NUP155: variants seen among roughly 807,000 people sequenced by gnomAD.
The protein encoded by NUP155 is nucleoporin 155.
NUP155 carries 71 observed loss-of-function variants against 180.4 expected under a neutral mutation model. The ratio of observed to expected loss-of-function variants is 0.39; its 90% confidence interval spans 0.33 to 0.48. NUP155 has a LOEUF of 0.48. Ranked by LOEUF, NUP155 falls within the 20% of genes least tolerant of loss-of-function variation. NUP155 has a pLI of 0.91. For missense variants in NUP155, 1,553 were observed against 1,648.9 expected (o/e 0.94, Z 1.01); for synonymous variants, 582 against 559.5 (o/e 1.04, Z -0.57).
chr5:37,296,057 GGGTCAGCCCCCCGCCC>G (rs1742543049), intron 32 of NUP155, among the ~76,000 whole-genome samples: 1 of 147,122 alleles, frequency 6.8e-6, no homozygotes, highest in Non-Finnish European at 1.5e-5. Flanking sequence ...GGAGGTGGGG[GGGTCAGCCCCCCGCCC>G]GGCCAGCCGC....
intron 13 of NUP155, among the ~76,000 whole-genome samples, chr5:37,333,062 G>C (rs1016785811): frequency 3.3e-5 from 5 of 152,038 alleles, no homozygotes; most frequent in African/African-American, 9.7e-5. Context: ...AGTCAAATAA[G>C]AAACCAGGAA....
intron 3 of NUP155, among the ~76,000 whole-genome samples, chr5:37,359,950 C>T (rs1357448285): frequency 1.3e-5 from 2 of 152,096 alleles, no homozygotes; most frequent in African/African-American, 4.8e-5. Context: ...ATACCTGTTT[C>T]TACTAAAAAT....
intron 22 of NUP155, among the ~76,000 whole-genome samples, chr5:37,311,663 A>AT (rs113486759): frequency 0.041 from 5,838 of 143,058 alleles, 109 homozygotes; most frequent in Non-Finnish European, 0.05. Flanking sequence ...AGGAAAAAGA[A>AT]TTTTTTTTTT....
At chr5:37,309,423 A>G (rs1743386121) in intron 23 of NUP155, 156 bp from the exon 24 acceptor site, 2 of 665,874 alleles carry the variant, frequency 3.0e-6, no homozygotes, top group Non-Finnish European at 5.0e-6. Flanking sequence ...TTAGGCAGAA[A>G]AGTTTTTGAC....
At chr5:37,370,705 A>G (rs1747905123) in intron 1 of NUP155, 116 bp downstream of exon 1, 18 of 1,610,842 alleles carry the variant, frequency 1.1e-5, no homozygotes, top group Non-Finnish European at 1.4e-5. Context: ...AAATGCAGCC[A>G]ACAGTGCCAT....
intron 12 of NUP155, among the ~76,000 whole-genome samples, chr5:37,333,885 T>C (rs900083021): frequency 1.5e-4 from 23 of 151,944 alleles, no homozygotes; most frequent in Non-Finnish European, 2.6e-4. Context: ...CACTGTAACC[T>C]TTGCCTCCCG....
intron 11 of NUP155, among the ~76,000 whole-genome samples, chr5:37,338,573 T>A (rs1286874504): frequency 6.6e-6 from 1 of 151,778 alleles, no homozygotes; most frequent in East Asian, 2.0e-4. Context: ...GCCCGACTAA[T>A]TTTTTGTATT....
chr5:37,340,507 A>G (rs1745644833), intron 11 of NUP155, among the ~76,000 whole-genome samples: 1 of 152,208 alleles, frequency 6.6e-6, no homozygotes, highest in African/African-American at 2.4e-5. Context: ...ATTACAAAGC[A>G]ACGGTAATCA....
rs75015968 is a variant in NUP155 at position 37,348,370 on chromosome 5, G to A, written c.995+135C>T. 1,206 of 690,066 alleles carry A rather than the reference G, an allele frequency of 1.7e-3. 7 individuals carry two copies. The African/African-American group carries it at 0.018, about 11-fold the overall frequency. The allele number at this position is 690,066 out of a possible 1,614,324, so 42.7% of individuals were successfully genotyped here. On this transcript the variant is annotated intron_variant, in intron 9 of 34. Transcript: ENST00000231498. ...ACAGCTCCATTTCAAACATAATGTAGAGTGTCATCTCTTCAACATTCCTTG... is the reference window on the plus strand; with the variant it reads ...ACAGCTCCATTTCAAACATAATGTAAAGTGTCATCTCTTCAACATTCCTTG...
intron 12 of NUP155, 69 bp from the exon 13 acceptor site, chr5:37,333,702 A>G: frequency 8.9e-7 from 1 of 1,127,554 alleles, no homozygotes; most frequent in East Asian, 2.5e-5. Context: ...AAAACTACAG[A>G]CTTAATAAAG....
intron 4 of NUP155, among the ~76,000 whole-genome samples, chr5:37,354,076 G>A (rs1006633889): frequency 3.3e-4 from 50 of 152,286 alleles, no homozygotes; most frequent in African/African-American, 1.1e-3. Context: ...TTACAACCTT[G>A]ATAATAGTAT....
intron 1 of NUP155, among the ~76,000 whole-genome samples, chr5:37,365,752 T>TACACACACACACACACAC (rs372031424): frequency 2.9e-4 from 11 of 37,884 alleles, no homozygotes; most frequent in South Asian, 1.4e-3. Flanking sequence ...TATATATATA[T>TACACACACACACACACAC]ACACACACAC....
In NUP155 at chr5:37,351,331, C is replaced by G. The variant is rs1486273604; in HGVS notation, c.582G>C (p.Leu194Phe). The part of the protein sequence containing the change: ...QTGSGVLNDS[L>F]SGGMQLLPDP... Reference sequence around the variant, plus strand: ...CTGGAAGCAACTGCATTCCACCAGACAAACTATCATTAAGAACTCCAGAAC... The same window carrying G: ...CTGGAAGCAACTGCATTCCACCAGAGAAACTATCATTAAGAACTCCAGAAC... The change falls in exon 6 of 35, where the codon TTG becomes TTC. Residue 194 changes from leucine (L) to phenylalanine (F), a missense_variant. By Grantham distance (22) the Leu-to-Phe change is conservative. Transcript: ENST00000231498. 2.5e-6 allele frequency: 4 copies of G among 1,612,506 alleles called. No homozygotes were observed. Among genetic ancestry groups the G allele is most frequent in the Admixed American group, 1.7e-5 (1 of 59,992 alleles).
At chr5:37,342,899 G>C (rs1029013631) in intron 9 of NUP155, among the ~76,000 whole-genome samples, 4 of 152,100 alleles carry the variant, frequency 2.6e-5, no homozygotes, top group Non-Finnish European at 5.9e-5. Context: ...AGCACGCCCA[G>C]GTAATTTTTG....
chr5:37,349,068 T>C (rs1746292655), intron 8 of NUP155, 104 bp downstream of exon 8: 1 of 344,354 alleles, frequency 2.9e-6, no homozygotes, highest in African/African-American at 2.1e-5. Context: ...CTTTTTTTTT[T>C]TTTAGTTACA....
chr5:37,370,914 C>G lies in NUP155; in HGVS notation c.64G>C (p.Ala22Pro), dbSNP rs769403103. The G allele has an allele frequency of 6.2e-7, 1 of 1,614,180 alleles. No homozygotes were observed. Among genetic ancestry groups the G allele is most frequent in the South Asian group, 1.1e-5 (1 of 91,086 alleles). ...ASTSAAALQE[A>P]LENAGRLIDR... ...ATGAGCCGTCCAGCATTTTCCAGAGCTTCCTGCAGGGCTGCGGCAGATGTA... is the reference window on the plus strand; with the variant it reads ...ATGAGCCGTCCAGCATTTTCCAGAGGTTCCTGCAGGGCTGCGGCAGATGTA... The change falls in exon 1 of 35, where the codon GCT (alanine) becomes CCT (proline). Residue 22 changes from alanine (A) to proline (P), a missense_variant. Physicochemically the swap from Ala to Pro is conservative, Grantham distance 27. Coordinates refer to ENST00000231498, the MANE Select transcript of NUP155 (RefSeq NM_153485.3).
chr5:37,296,592 C>G (rs1742592393), intron 32 of NUP155, among the ~76,000 whole-genome samples: 1 of 151,526 alleles, frequency 6.6e-6, no homozygotes, highest in Admixed American at 6.6e-5. Context: ...AACCAGAGAC[C>G]TTTGTTCACT....
At chr5:37,312,874 ACTGT>A (rs1217519035) in intron 22 of NUP155, among the ~76,000 whole-genome samples, 4 of 152,166 alleles carry the variant, frequency 2.6e-5, no homozygotes, top group Non-Finnish European at 2.9e-5. Flanking sequence ...TGTTCAAGGA[ACTGT>A]CTATTTTTTT....
chr5:37,321,268 C>A lies in NUP155; in HGVS notation c.2207+2724G>T, dbSNP rs187309647. The stretch of plus-strand genomic sequence containing the variant: ...GGGTGAGGCAGGAGAATCGCTTGAG[C>A]CAGGGAGTTGGAGGTTGCAGTGAGC... On this transcript the variant is annotated intron_variant, in intron 20 of 34. Transcript: ENST00000231498. Among the ~76,000 whole-genome samples, 1,059 of 152,256 alleles carry A rather than the reference C, an allele frequency of 7.0e-3. 10 individuals carry two copies. The highest frequency in any genetic ancestry group is 0.024 in the African/African-American group (995 of 41,550).
Sources: allele counts gnomAD v4.1 joint callset (sites outside exome capture counted in the v4.1 genomes callset), GRCh38; gene constraint gnomAD v4.1.1; transcripts MANE v1.5; gene names NCBI Gene and HGNC (gene_info 2026-07-23, HGNC 2026-07-21).